Variants in LUZP2 observed in about 807,000 individuals in gnomAD.
LUZP2 encodes leucine zipper protein 2.
Under a neutral mutation model 51.6 loss-of-function variants are expected in LUZP2, and 52 were observed. That is an observed-to-expected ratio of 1.01 (90% CI 0.81 to 1.27). The LOEUF is 1.27. Ranked by LOEUF, LUZP2 falls within the 50% of genes most tolerant of loss-of-function variation. The pLI is 0.00. For missense variants in LUZP2, 436 were observed against 395.4 expected, an observed-to-expected ratio of 1.10 and a Z score of -0.87; for synonymous variants, 154 against 137.3, an observed-to-expected ratio of 1.12 and a Z score of -0.85.
chr11:24,829,353 A>T (rs944437065), intron 5 of LUZP2, among the ~76,000 whole-genome samples: 2 of 152,184 alleles, frequency 1.3e-5, no homozygotes, highest in African/African-American at 4.8e-5. Context: ...GTGTGCGTGC[A>T]TGTACACCTC....
At chr11:24,525,389 T>C (rs1850767206) in intron 1 of LUZP2, among the ~76,000 whole-genome samples, 1 of 151,578 alleles carries the variant, frequency 6.6e-6, no homozygotes, top group East Asian at 1.9e-4. Flanking sequence ...TCATAATAGT[T>C]TTGTTATCAT....
chr11:24,813,225 CCTT>C (rs1429925731), intron 5 of LUZP2, among the ~76,000 whole-genome samples: 1 of 152,136 alleles, frequency 6.6e-6, no homozygotes, highest in African/African-American at 2.4e-5. Context: ...AATACAAATT[CCTT>C]CTTGTCTGGT....
At chr11:24,847,533 A>G (rs1310631699) in intron 5 of LUZP2, among the ~76,000 whole-genome samples, 1 of 152,148 alleles carries the variant, frequency 6.6e-6, no homozygotes, top group Admixed American at 6.6e-5. Context: ...GAGGCACATT[A>G]TGTAGATTTT....
At chr11:24,738,608 A>C (rs1859025774) in intron 4 of LUZP2, among the ~76,000 whole-genome samples, 1 of 152,000 alleles carries the variant, frequency 6.6e-6, no homozygotes, top group Non-Finnish European at 1.5e-5. Flanking sequence ...ACATTGTGGG[A>C]CGTCACTGAC....
chr11:24,922,695 G>T (rs1156752758), intron 7 of LUZP2, among the ~76,000 whole-genome samples: 2 of 151,934 alleles, frequency 1.3e-5, no homozygotes, highest in Non-Finnish European at 2.9e-5. Context: ...ACATTCATTT[G>T]TGCGTCAAAA....
At chr11:25,054,073 A>G (rs1246404309) in intron 10 of LUZP2, among the ~76,000 whole-genome samples, 1 of 152,202 alleles carries the variant, frequency 6.6e-6, no homozygotes, top group Non-Finnish European at 1.5e-5. Context: ...AAATATTCCC[A>G]TCAACTACTG....
chr11:24,942,942 G>A (rs558369091), intron 7 of LUZP2, among the ~76,000 whole-genome samples: 10 of 152,210 alleles, frequency 6.6e-5, no homozygotes, highest in African/African-American at 2.4e-4. Context: ...ATTATTTAAT[G>A]AGATCAGTTA....
intron 7 of LUZP2, among the ~76,000 whole-genome samples, chr11:24,941,922 C>T (rs1319530336): frequency 6.6e-6 from 1 of 151,816 alleles, no homozygotes; most frequent in Non-Finnish European, 1.5e-5. Flanking sequence ...GAACAATTTG[C>T]AGTCAATTCC....
At chr11:24,821,855 A>T (rs1177549999) in intron 5 of LUZP2, among the ~76,000 whole-genome samples, 1 of 149,724 alleles carries the variant, frequency 6.7e-6, no homozygotes, top group African/African-American at 2.5e-5. Flanking sequence ...TGACAATGAC[A>T]TTATATGCCA....
In LUZP2 at chr11:24,886,743, A is replaced by C. The variant is rs904220133; in HGVS notation, c.397-19248A>C. ...AAAATTGTGCATCTAAGAATTGCTG[A>C]AATAAACACACATGGTTTAGATCTA... On this transcript the variant is annotated intron_variant, in intron 5 of 11. Transcript: ENST00000336930. Among the ~76,000 whole-genome samples, 15 of 152,314 alleles carry C rather than the reference A, an allele frequency of 9.8e-5. No individual in the cohort carries two copies. In the East Asian group the frequency reaches 2.9e-3, roughly 29 times the overall value.
chr11:24,760,156 A>C (rs1045629140), intron 4 of LUZP2, among the ~76,000 whole-genome samples: 1 of 152,186 alleles, frequency 6.6e-6, no homozygotes, highest in African/African-American at 2.4e-5. Context: ...TCTAAGAGTT[A>C]GAATCAATAG....
chr11:24,733,347 A>G (rs1487006062), intron 3 of LUZP2, among the ~76,000 whole-genome samples: 1 of 151,864 alleles, frequency 6.6e-6, no homozygotes, highest in African/African-American at 2.4e-5. Flanking sequence ...GAAATAAATC[A>G]TGCTCAATAT....
intron 1 of LUZP2, among the ~76,000 whole-genome samples, chr11:24,680,976 T>A (rs375353310): frequency 1.9e-5 from 1 of 51,664 alleles, no homozygotes; most frequent in Non-Finnish European, 4.6e-5. Flanking sequence ...TTTCTTTATT[T>A]TTTTTTTTTT....
At chr11:24,598,254 G>A (rs1853511234) in intron 1 of LUZP2, among the ~76,000 whole-genome samples, 1 of 152,118 alleles carries the variant, frequency 6.6e-6, no homozygotes, top group Admixed American at 6.5e-5. Context: ...CCCCCAAGAA[G>A]TGAGAGACAA....
chr11:25,036,728 G>A (rs1183954690), intron 9 of LUZP2, among the ~76,000 whole-genome samples: 4 of 151,950 alleles, frequency 2.6e-5, no homozygotes, highest in African/African-American at 9.7e-5. Flanking sequence ...ATTCACTCAG[G>A]TGTTAATCAG....
At chr11:24,905,509 C>A (rs577621956) in intron 5 of LUZP2, among the ~76,000 whole-genome samples, 1 of 151,892 alleles carries the variant, frequency 6.6e-6, no homozygotes, top group East Asian at 1.9e-4. Context: ...GCCAGGACAA[C>A]GGAGTGAAAC....
chr11:24,680,121 GA>G (rs1161168327), intron 1 of LUZP2, among the ~76,000 whole-genome samples: 1 of 152,070 alleles, frequency 6.6e-6, no homozygotes, highest in African/African-American at 2.4e-5. Context: ...CTAAGGGAAA[GA>G]AAAAATAAAA....
At chr11:24,865,015 C>T (rs1375409494) in intron 5 of LUZP2, among the ~76,000 whole-genome samples, 1 of 152,176 alleles carries the variant, frequency 6.6e-6, no homozygotes, top group African/African-American at 2.4e-5. Context: ...TGTCTACTTC[C>T]TCTTATTCTA....
chr11:24,952,233 A>G (rs1855098741), intron 7 of LUZP2, among the ~76,000 whole-genome samples: 1 of 151,700 alleles, frequency 6.6e-6, no homozygotes, highest in African/African-American at 2.4e-5. Context: ...TATCGTGATC[A>G]CATTTAAAAG....
Sources: allele counts gnomAD v4.1 joint callset (sites outside exome capture counted in the v4.1 genomes callset), GRCh38; gene constraint gnomAD v4.1.1; transcripts MANE v1.5; gene names NCBI Gene and HGNC (gene_info 2026-07-23, HGNC 2026-07-21).